The following AREL1 variants were observed in gnomAD, a reference collection of about 807,000 sequenced individuals.
The protein encoded by AREL1 is apoptosis resistant E3 ubiquitin protein ligase 1.
A neutral mutation model predicts 99.0 loss-of-function variants in AREL1; 62 were observed. That is an observed-to-expected ratio of 0.63 (90% CI 0.51 to 0.77). The LOEUF (loss-of-function observed/expected upper bound fraction) is 0.77, where lower values mean the gene tolerates loss of function less well. AREL1 is among the 30% of genes least tolerant of loss of function. AREL1 has a pLI of 0.00. For synonymous variants in AREL1, 380 were observed against 376.5 expected (o/e 1.01, Z -0.11); for missense variants, 879 against 1,027.6 (o/e 0.86, Z 1.98).
At chr14:74,693,241 T>C (rs1008849204) in intron 1 of AREL1, among the ~76,000 whole-genome samples, 2 of 152,200 alleles carry the variant, frequency 1.3e-5, no homozygotes, top group African/African-American at 4.8e-5. Context: ...TATCAGCCTA[T>C]GCAGTCTGCT....
chr14:74,677,394 G>C (rs2089510907), intron 5 of AREL1, among the ~76,000 whole-genome samples: 2 of 151,676 alleles, frequency 1.3e-5, no homozygotes, highest in African/African-American at 4.8e-5. Context: ...TACTCAGGAA[G>C]CTAAGGCAAG....
intron 1 of AREL1, among the ~76,000 whole-genome samples, chr14:74,705,845 T>G (rs2090168307): frequency 6.6e-6 from 1 of 152,202 alleles, no homozygotes; most frequent in South Asian, 2.1e-4. Context: ...TAGCTTAGAT[T>G]CAGCTGTCCC....
chr14:74,688,398 A>T (rs967552766), intron 2 of AREL1, among the ~76,000 whole-genome samples: 1 of 152,152 alleles, frequency 6.6e-6, no homozygotes, highest in Non-Finnish European at 1.5e-5. Flanking sequence ...AGTTATCATG[A>T]AGCTGGCAGT....
chr14:74,676,730 G>C lies in AREL1; in HGVS notation c.504C>G (p.Thr168=), dbSNP rs748014813. ...FQPGMVVPSK[T]KIVCHFSTLV... ...GAGTAGAAAAGTGGCACACAATTTT[G>C]GTCTTAGAAGGAACCACCATTCCTG... is the stretch of plus-strand genomic sequence containing the variant. Residue 168 remains threonine (T), a synonymous_variant, in exon 6 of 20, where the codon ACC becomes ACG. Transcript: ENST00000356357. The C allele has an allele frequency of 6.2e-7, 1 of 1,605,410 alleles. No individual in the cohort carries two copies. Among genetic ancestry groups the C allele is most frequent in the Non-Finnish European group, 8.5e-7 (1 of 1,175,980 alleles).
At chr14:74,685,071 A>G (rs1282499559) in intron 3 of AREL1, among the ~76,000 whole-genome samples, 1 of 152,224 alleles carries the variant, frequency 6.6e-6, no homozygotes, top group Non-Finnish European at 1.5e-5. Context: ...CTCTTGCTCT[A>G]TATGAGCTGC....
chr14:74,699,802 T>G (rs1313217235), intron 1 of AREL1, among the ~76,000 whole-genome samples: 1 of 152,240 alleles, frequency 6.6e-6, no homozygotes, highest in Non-Finnish European at 1.5e-5. Flanking sequence ...TCTCTTCAGT[T>G]GCCTCATATG....
At chr14:74,708,452 G>A (rs1449926548) in intron 1 of AREL1, among the ~76,000 whole-genome samples, 1 of 152,172 alleles carries the variant, frequency 6.6e-6, no homozygotes, top group East Asian at 1.9e-4. Flanking sequence ...CACTTGGGAA[G>A]TTTTAACTGT....
chr14:74,674,090 A>G lies in AREL1; in HGVS notation c.1102T>C (p.Tyr368His). Residue 368 changes from tyrosine to histidine, a missense_variant, in exon 9 of 20, where the codon TAC becomes CAC. Physicochemically the swap from Tyr to His is moderately conservative, Grantham distance 83. Coordinates refer to ENST00000356357, the MANE Select transcript of AREL1 (RefSeq NM_001039479.2). ...SPKQFSVKEF[Y>H]LKIIPWRLYT... ...AGGCGCCAGGGGATGATCTTCAGGT[A>G]GAACTCCTTCACTGAGAATTGCTGG... 1 of 1,613,892 alleles carries G rather than the reference A, an allele frequency of 6.2e-7. No homozygotes were observed. Among genetic ancestry groups the G allele is most frequent in the Non-Finnish European group, 8.5e-7 (1 of 1,179,780 alleles).
chr14:74,682,614 C>T (rs111759757), intron 5 of AREL1, among the ~76,000 whole-genome samples: 2 of 152,188 alleles, frequency 1.3e-5, no homozygotes, highest in African/African-American at 4.8e-5. Flanking sequence ...CTCCAAATCG[C>T]ATGTTGAAAT....
chr14:74,702,192 C>T (rs2090097947), intron 1 of AREL1, among the ~76,000 whole-genome samples: 1 of 152,208 alleles, frequency 6.6e-6, no homozygotes, highest in African/African-American at 2.4e-5. Flanking sequence ...CCAGTGGGGA[C>T]TCTGTGTGGG....
At chr14:74,665,270 CTTT>C (rs546774095) in intron 17 of AREL1, among the ~76,000 whole-genome samples, 7 of 136,370 alleles carry the variant, frequency 5.1e-5, no homozygotes, top group Admixed American at 7.4e-5. Context: ...TCTTTCTTTT[CTTT>C]TTTTTTTTTT....
chr14:74,673,046 C>T (rs1341457089), intron 10 of AREL1, 31 bp downstream of exon 10: 1 of 1,614,090 alleles, frequency 6.2e-7, no homozygotes, highest in Non-Finnish European at 8.5e-7. Flanking sequence ...GGGCTCACTA[C>T]CTTCCCTATA....
chr14:74,674,716 G>A (rs1382807945), intron 8 of AREL1, among the ~76,000 whole-genome samples: 1 of 152,176 alleles, frequency 6.6e-6, no homozygotes, highest in Non-Finnish European at 1.5e-5. Flanking sequence ...TTCACTTTAT[G>A]AGAACAGAAT....
chr14:74,693,146 C>T (rs917478358), intron 1 of AREL1, among the ~76,000 whole-genome samples: 2 of 152,126 alleles, frequency 1.3e-5, no homozygotes, highest in Non-Finnish European at 2.9e-5. Flanking sequence ...AACCAGGTTA[C>T]GGACAGCCTT....
At position 74,663,887 on chromosome 14, in the gene AREL1, G is replaced by T; in HGVS notation, c.2369+12C>A. On this transcript the variant is annotated intron_variant, in intron 19 of 19. Coordinates refer to ENST00000356357, the MANE Select transcript of AREL1 (RefSeq NM_001039479.2). ...AAAACACTGGGCATGCATCAGGCGG[G>T]CAGATACCTACCATGTGTGTGCAGT... 1.2e-6 allele frequency: 2 copies of T among 1,614,196 alleles called. No homozygotes were observed. Among genetic ancestry groups the T allele is most frequent in the African/African-American group, 2.7e-5 (2 of 75,040 alleles).
Position 74,663,749 on chromosome 14 carries a change from C to A in AREL1, c.2443G>T (p.Glu815Ter). 6.2e-7 allele frequency: 1 copy of A among 1,614,110 alleles called. No homozygotes were observed. Among genetic ancestry groups the A allele is most frequent in the Non-Finnish European group, 8.5e-7 (1 of 1,180,024 alleles). ...VHRMLQLAISEGCEGFGML is the reference protein window; with the variant it reads ...VHRMLQLAIS ...AGCATGCCAAAGCCCTCGCAACCCT[C>A]GCTGATGGCCAGCTGCAGCATCCTG... Residue 815 changes from glutamate (E) to a stop codon, truncating the protein, a stop_gained, in exon 20 of 20, where the codon GAG becomes TAG. Coordinates refer to ENST00000356357, the MANE Select transcript of AREL1 (RefSeq NM_001039479.2). LOFTEE classifies it high-confidence loss of function.
At chr14:74,677,500 C>CTTTTTT (rs58383006) in intron 5 of AREL1, among the ~76,000 whole-genome samples, 3 of 63,120 alleles carry the variant, frequency 4.8e-5, no homozygotes, top group Non-Finnish European at 9.1e-5. Flanking sequence ...TGTCTCTCTC[C>CTTTTTT]TTTTTTTTTT....
In AREL1 at chr14:74,674,073, G is replaced by A. The variant is rs1352503343; in HGVS notation, c.1119C>T (p.Pro373=). Residue 373 remains proline, a synonymous_variant, in exon 9 of 20, where the codon CCC becomes CCT. Coordinates refer to ENST00000356357, the MANE Select transcript of AREL1 (RefSeq NM_001039479.2). ...ACACTCGGAAGGTGTAAAGGCGCCA[G>A]GGGATGATCTTCAGGTAGAACTCCT... ...SVKEFYLKII[P]WRLYTFRVCP... is the part of the protein sequence containing the mutation. The A allele has an allele frequency of 6.2e-7, 1 of 1,613,902 alleles. No homozygotes were observed. The highest frequency in any genetic ancestry group is 1.1e-5 in the South Asian group (1 of 91,058).
Position 74,683,518 on chromosome 14 carries a change from C to T in AREL1, c.259G>A (p.Gly87Arg), listed in dbSNP as rs759256664. The T allele has an allele frequency of 2.2e-5, 35 of 1,613,844 alleles. No homozygotes were observed. Among genetic ancestry groups the T allele is most frequent in the Admixed American group, 5.0e-5 (3 of 59,980 alleles). The change falls in exon 5 of 20, where the codon GGG (glycine) becomes AGG (arginine). Residue 87 changes from glycine to arginine, a missense_variant. By Grantham distance (125) the Gly-to-Arg change is moderately radical (BLOSUM62 -2). Coordinates refer to ENST00000356357, the MANE Select transcript of AREL1 (RefSeq NM_001039479.2). ...GGCCGATGTGCAGGGAAAGGCTGCC[C>T]GTTCTTATAGAATAACTGCCATGGG... is the stretch of plus-strand genomic sequence containing the variant. ...AFRVHLFYKN[G>R]QPFPAHRPVG...
Sources: allele counts gnomAD v4.1 joint callset (sites outside exome capture counted in the v4.1 genomes callset), GRCh38; gene constraint gnomAD v4.1.1; transcripts MANE v1.5; gene names NCBI Gene and HGNC (gene_info 2026-07-23, HGNC 2026-07-21).